NRXN3: variants seen among roughly 807,000 people sequenced by gnomAD.
The protein encoded by NRXN3 is neurexin 3.
A neutral mutation model predicts 137.6 loss-of-function variants in NRXN3; 32 were observed. The observed-to-expected ratio is 0.23, with a 90% CI of 0.18 to 0.31. NRXN3 has a LOEUF of 0.31. NRXN3 is among the 10% of genes least tolerant of loss of function. The probability of loss-of-function intolerance (pLI) is 1.00; values close to 1 mark genes in which losing one functional copy is unlikely to be tolerated. For missense variants in NRXN3, 1,574 were observed against 2,062.5 expected (o/e 0.76, Z 4.59); for synonymous variants, 798 against 784.5 (o/e 1.02, Z -0.29).
chr14:79,794,215 T>C (rs1383431751), intron 19 of NRXN3, among the ~76,000 whole-genome samples: 2 of 151,816 alleles, frequency 1.3e-5, no homozygotes, highest in Non-Finnish European at 2.9e-5. Context: ...ATACAAAAAA[T>C]TAGCAGGGCG....
intron 19 of NRXN3, among the ~76,000 whole-genome samples, chr14:79,796,329 C>T (rs1279431824): frequency 6.6e-6 from 1 of 152,180 alleles, no homozygotes; most frequent in Non-Finnish European, 1.5e-5. Flanking sequence ...CGTAGCATTA[C>T]ATTCCTCCTG....
chr14:79,741,237 T>A (rs2098962019), intron 19 of NRXN3, among the ~76,000 whole-genome samples: 2 of 152,176 alleles, frequency 1.3e-5, no homozygotes, highest in Non-Finnish European at 2.9e-5. Flanking sequence ...ATTCCTTAAA[T>A]ATATAGATCC....
chr14:79,729,156 TAAGA>T (rs1014880913), intron 19 of NRXN3, among the ~76,000 whole-genome samples: 3 of 152,346 alleles, frequency 2.0e-5, no homozygotes, highest in African/African-American at 4.8e-5. Flanking sequence ...TCAACTTTTA[TAAGA>T]AAGAATCCTT....
intron 15 of NRXN3, among the ~76,000 whole-genome samples, chr14:79,440,226 T>A (rs945857922): frequency 6.6e-6 from 1 of 152,220 alleles, no homozygotes; most frequent in Non-Finnish European, 1.5e-5. Context: ...AGCCTTTGGA[T>A]TCAGCCAAGG....
intron 8 of NRXN3, among the ~76,000 whole-genome samples, chr14:78,722,225 T>C (rs774840117): frequency 2.0e-5 from 3 of 152,126 alleles, no homozygotes. Context: ...CCTGAGAATG[T>C]GAGGGTCAGC....
chr14:79,272,216 G>GTA (rs2079449026), intron 15 of NRXN3, among the ~76,000 whole-genome samples: 1 of 132,600 alleles, frequency 7.5e-6, no homozygotes, highest in Non-Finnish European at 1.6e-5. Context: ...TTTGGTTTAG[G>GTA]TTTTTTTTTT....
rs572619887 is a variant in NRXN3, at chr14:78,293,606, C to T, written c.728-4225C>T. On this transcript the variant is annotated intron_variant, in intron 3 of 20. Coordinates refer to ENST00000335750, the MANE Select transcript of NRXN3 (RefSeq NM_001330195.2). ...CATGATACTAATGTAGGTCCTTCCCCTGTAACTGAACTCTGTGCCTCCGTC... is the reference window on the plus strand; with the variant it reads ...CATGATACTAATGTAGGTCCTTCCCTTGTAACTGAACTCTGTGCCTCCGTC... 1.1e-4 allele frequency among the ~76,000 whole-genome samples: 17 copies of T among 152,266 alleles called. No homozygotes were observed. In the South Asian group the frequency reaches 3.3e-3, roughly 30 times the overall value.
intron 8 of NRXN3, among the ~76,000 whole-genome samples, chr14:78,789,853 C>T (rs1156375131): frequency 6.6e-6 from 1 of 152,026 alleles, no homozygotes; most frequent in African/African-American, 2.4e-5. Context: ...CTCATCTATA[C>T]CTTTGTATAG....
At chr14:79,366,547 T>G (rs1174379911) in intron 15 of NRXN3, among the ~76,000 whole-genome samples, 5 of 152,176 alleles carry the variant, frequency 3.3e-5, no homozygotes, top group African/African-American at 4.8e-5. Flanking sequence ...AGCTCCCATA[T>G]AAAAGTGAGA....
intron 15 of NRXN3, among the ~76,000 whole-genome samples, chr14:79,325,331 A>G (rs890418808): frequency 2.0e-5 from 3 of 152,152 alleles, no homozygotes; most frequent in African/African-American, 7.2e-5. Context: ...AGTATTGACA[A>G]GGTGACAGAG....
intron 19 of NRXN3, among the ~76,000 whole-genome samples, chr14:79,740,712 T>TATATATA (rs1491227336): frequency 1.1e-3 from 18 of 16,108 alleles, no homozygotes; most frequent in South Asian, 3.4e-3. Context: ...ATTTAGTTTT[T>TATATATA]TATATATATA....
intron 15 of NRXN3, among the ~76,000 whole-genome samples, chr14:79,205,651 T>G (rs1391671233): frequency 6.6e-6 from 1 of 152,212 alleles, no homozygotes; most frequent in Admixed American, 6.5e-5. Flanking sequence ...CATAATGGTA[T>G]GGAAATTATT....
chr14:79,655,903 C>CTTAAG (rs1369615383), intron 16 of NRXN3, among the ~76,000 whole-genome samples: 4 of 152,228 alleles, frequency 2.6e-5, no homozygotes, highest in Admixed American at 1.3e-4. Flanking sequence ...AATCAATCAC[C>CTTAAG]TTAAGTTCTT....
intron 16 of NRXN3, among the ~76,000 whole-genome samples, chr14:79,584,804 A>G (rs1417601393): frequency 1.3e-5 from 2 of 152,184 alleles, no homozygotes; most frequent in Admixed American, 6.5e-5. Context: ...AGAGGGAGCC[A>G]TGAACTCCCT....
chr14:79,012,879 C>T (rs2099573411), intron 15 of NRXN3, among the ~76,000 whole-genome samples: 1 of 152,100 alleles, frequency 6.6e-6, no homozygotes, highest in African/African-American at 2.4e-5. Flanking sequence ...GACAGAGAGG[C>T]CTTGGAAGGG....
At chr14:79,684,251 A>T (rs933944551) in intron 17 of NRXN3, among the ~76,000 whole-genome samples, 2 of 152,194 alleles carry the variant, frequency 1.3e-5, no homozygotes, top group South Asian at 2.1e-4. Flanking sequence ...AGTATGTTGT[A>T]TGAATGCAAC....
chr14:78,554,102 A>G (rs1467177292), intron 4 of NRXN3, among the ~76,000 whole-genome samples: 12 of 152,208 alleles, frequency 7.9e-5, no homozygotes, highest in Non-Finnish European at 1.6e-4. Flanking sequence ...CCAAGCCTTC[A>G]TTTTCTTTGA....
At chr14:79,842,369 C>A (rs181825069) in intron 20 of NRXN3, among the ~76,000 whole-genome samples, 1 of 152,044 alleles carries the variant, frequency 6.6e-6, no homozygotes, top group East Asian at 1.9e-4. Flanking sequence ...ACCTAAATAA[C>A]GAGAAAGACC....
intron 4 of NRXN3, among the ~76,000 whole-genome samples, chr14:78,537,448 G>T (rs1433694068): frequency 3.9e-5 from 6 of 152,090 alleles, no homozygotes. Flanking sequence ...CCCACTTTTT[G>T]GTGGGGTTGT....
Sources: gnomAD v4.1 joint callset for allele counts (sites outside exome capture counted in the v4.1 genomes callset) on GRCh38, gnomAD v4.1.1 for gene constraint, MANE v1.5 for transcripts, NCBI Gene and HGNC (gene_info 2026-07-23, HGNC 2026-07-21) for gene names.